The following TTC28 variants were observed in gnomAD, a reference collection of about 807,000 sequenced individuals.
TTC28 encodes tetratricopeptide repeat protein 28.
A neutral mutation model predicts 198.0 loss-of-function variants in TTC28; 61 were observed. That is an observed-to-expected ratio of 0.31 (90% CI 0.25 to 0.38). The LOEUF (loss-of-function observed/expected upper bound fraction) is 0.38, where lower values mean the gene tolerates loss of function less well. Among genes scored for constraint, TTC28 ranks in the 10% least tolerant of loss-of-function variants. The probability of loss-of-function intolerance (pLI) is 1.00; values close to 1 mark genes in which losing one functional copy is unlikely to be tolerated. For synonymous variants in TTC28, 1,171 were observed against 1,297.8 expected (o/e 0.90, Z 2.10); for missense variants, 2,678 against 3,164.0 (o/e 0.85, Z 3.69).
chr22:28,041,835 G>C (rs1313871073), intron 12 of TTC28, among the ~76,000 whole-genome samples: 1 of 151,936 alleles, frequency 6.6e-6, no homozygotes, highest in African/African-American at 2.4e-5. Flanking sequence ...ATCTACACAT[G>C]TGACAAAGGG....
At chr22:28,126,737 T>C (rs1942922642) in intron 6 of TTC28, among the ~76,000 whole-genome samples, 3 of 152,202 alleles carry the variant, frequency 2.0e-5, no homozygotes, top group Admixed American at 1.3e-4. Context: ...GTATGTGTCT[T>C]CCATGGTCAA....
At chr22:28,096,444 T>C in intron 10 of TTC28, 36 bp from the exon 11 acceptor site, 2 of 1,547,052 alleles carry the variant, frequency 1.3e-6, no homozygotes, top group Non-Finnish European at 8.7e-7. Flanking sequence ...GAGTCCATAG[T>C]GAGTGTGCTT....
chr22:28,565,015 C>T (rs1414936185), intron 2 of TTC28, among the ~76,000 whole-genome samples: 1 of 151,152 alleles, frequency 6.6e-6, no homozygotes. Flanking sequence ...GGAAGTTGAC[C>T]AATAGCCATC....
intron 2 of TTC28, among the ~76,000 whole-genome samples, chr22:28,329,161 A>C (rs1056526272): frequency 3.9e-5 from 6 of 152,172 alleles, no homozygotes; most frequent in African/African-American, 1.4e-4. Flanking sequence ...CTCTCCTGTA[A>C]TTGTGTAAAT....
chr22:28,449,500 T>C (rs1484402328), intron 2 of TTC28, among the ~76,000 whole-genome samples: 2 of 152,204 alleles, frequency 1.3e-5, no homozygotes, highest in Admixed American at 1.3e-4. Context: ...GGAACTATTA[T>C]TATGCCCATG....
At chr22:28,349,383 T>C (rs1010974305) in intron 2 of TTC28, among the ~76,000 whole-genome samples, 2 of 152,236 alleles carry the variant, frequency 1.3e-5, no homozygotes, top group African/African-American at 4.8e-5. Context: ...TAAATGGACA[T>C]TGCTCAGTAT....
At chr22:28,001,173 T>C in intron 15 of TTC28, 2 of 580,956 alleles carry the variant, frequency 3.4e-6, no homozygotes, top group South Asian at 2.9e-5. Context: ...CAGCAAAGAA[T>C]GGCCAGGGGT....
At chr22:28,060,652 C>T (rs1343452774) in intron 12 of TTC28, among the ~76,000 whole-genome samples, 3 of 152,208 alleles carry the variant, frequency 2.0e-5, no homozygotes, top group African/African-American at 4.8e-5. Flanking sequence ...TTTAGTTCTA[C>T]ATCCTTGAGG....
At chr22:28,362,841 A>C (rs1477047631) in intron 2 of TTC28, among the ~76,000 whole-genome samples, 1 of 152,190 alleles carries the variant, frequency 6.6e-6, no homozygotes, top group Non-Finnish European at 1.5e-5. Context: ...ATCTGATGGA[A>C]GAAATTTCTA....
At chr22:28,127,360 C>A (rs188575333) in intron 6 of TTC28, among the ~76,000 whole-genome samples, 3 of 152,202 alleles carry the variant, frequency 2.0e-5, no homozygotes, top group Admixed American at 6.5e-5. Flanking sequence ...AGGGATAAAG[C>A]CTGGGGAACA....
intron 2 of TTC28, among the ~76,000 whole-genome samples, chr22:28,464,095 C>T (rs953470222): frequency 9.9e-5 from 15 of 152,082 alleles, no homozygotes; most frequent in Non-Finnish European, 2.2e-4. Context: ...TACAACAGCA[C>T]CAGTAAGGTA....
intron 2 of TTC28, among the ~76,000 whole-genome samples, chr22:28,395,614 CA>C (rs1301794415): frequency 5.7e-4 from 32 of 56,446 alleles, no homozygotes; most frequent in South Asian, 6.5e-4. Context: ...GAGTCCGTCT[CA>C]AAAAAAAAAA....
Position 27,983,700 on chromosome 22 carries a change from G to A in TTC28, c.5967C>T (p.Ala1989=). 1.3e-6 allele frequency: 2 copies of A among 1,550,620 alleles called. No individual in the cohort carries two copies. The highest frequency in any genetic ancestry group is 1.2e-5 in the South Asian group (1 of 83,908). Residue 1989 remains alanine (A), a synonymous_variant, in exon 23 of 23, where the codon GCC becomes GCT. Transcript: ENST00000397906. ...PTGADSIASD[A]ISVYSLSSIA... is the part of the protein sequence containing the mutation. ...TGGAGCTCAGACTGTACACAGAGAT[G>A]GCATCTGAGGCGATGCTGTCCGCAC...
chr22:28,425,754 A>C (rs951003682), intron 2 of TTC28, among the ~76,000 whole-genome samples: 2 of 152,198 alleles, frequency 1.3e-5, no homozygotes, highest in African/African-American at 2.4e-5. Flanking sequence ...GAATGAGTTC[A>C]ACTTGGGCAA....
intron 2 of TTC28, among the ~76,000 whole-genome samples, chr22:28,569,386 A>G (rs1171402471): frequency 6.6e-6 from 1 of 152,058 alleles, no homozygotes; most frequent in African/African-American, 2.4e-5. Context: ...AGGTTAGAGA[A>G]TCCAGAAATA....
At chr22:28,138,179 T>C (rs1943246308) in intron 6 of TTC28, among the ~76,000 whole-genome samples, 2 of 152,206 alleles carry the variant, frequency 1.3e-5, no homozygotes, top group African/African-American at 4.8e-5. Context: ...TAATTCATTC[T>C]GTGGAATGAA....
rs756423428 is a variant in TTC28, at chr22:28,098,974, G to T, written c.3488C>A (p.Ser1163Tyr). The change falls in exon 10 of 23, where the codon TCC becomes TAC. Residue 1163 changes from serine to tyrosine, a missense_variant. Around this residue, in one of 8 missense-constraint regions of TTC28, gnomAD observed 727 missense variants for 861.9 expected, o/e 0.84. Transcript: ENST00000397906. Reference sequence around the variant, plus strand: ...GGATGATGTCTGCAGGTCAAAGAGGGAGAGTTTGTAGTCCGTGCTCAGCTG... The same window carrying T: ...GGATGATGTCTGCAGGTCAAAGAGGTAGAGTTTGTAGTCCGTGCTCAGCTG... ...EAQLSTDYKL[S>Y]LFDLQTSSYQ... The T allele has an allele frequency of 1.3e-6, 2 of 1,551,768 alleles. No homozygotes were observed. Among genetic ancestry groups the T allele is most frequent in the African/African-American group, 2.7e-5 (2 of 73,054 alleles).
At chr22:28,137,259 C>T (rs1367709123) in intron 6 of TTC28, among the ~76,000 whole-genome samples, 1 of 152,186 alleles carries the variant, frequency 6.6e-6, no homozygotes, top group Non-Finnish European at 1.5e-5. Flanking sequence ...GCTTCCTCAT[C>T]CTGAGGCAGC....
chr22:28,428,518 G>A (rs939913752), intron 2 of TTC28, among the ~76,000 whole-genome samples: 9 of 151,870 alleles, frequency 5.9e-5, no homozygotes, highest in African/African-American at 1.7e-4. Context: ...TTTCTATTCT[G>A]ACTTCTTGTC....
Sources: allele counts gnomAD v4.1 joint callset (sites outside exome capture counted in the v4.1 genomes callset), GRCh38; gene constraint gnomAD v4.1.1; regional missense constraint gnomAD v4.1.1; transcripts MANE v1.5; gene names NCBI Gene and HGNC (gene_info 2026-07-23, HGNC 2026-07-21).